SETX: variants seen among roughly 807,000 people sequenced by gnomAD.
SETX encodes the protein senataxin.
In SETX, 90 loss-of-function variants were observed where a neutral mutation model predicts 227.2. That is an observed-to-expected ratio of 0.40 (90% CI 0.33 to 0.47). SETX has a LOEUF of 0.47. Among genes scored for constraint, SETX ranks in the 20% least tolerant of loss-of-function variants. SETX has a pLI of 0.91. For synonymous variants in SETX, 1,210 were observed against 1,113.2 expected (o/e 1.09, Z -1.73); for missense variants, 3,052 against 3,181.5 (o/e 0.96, Z 0.98).
Position 132,268,643 on chromosome 9 carries a change from A to G in SETX, c.7287+972T>C, listed in dbSNP as rs192805646. ...TACAATTTCAAAGAGAGGAAAAAAT[A>G]AAATAATATTGCTTTCTATTCCACT... is the stretch of plus-strand genomic sequence containing the variant. On this transcript the variant is annotated intron_variant, in intron 25 of 25. Transcript: ENST00000224140. Among the ~76,000 whole-genome samples the G allele has an allele frequency of 8.5e-5, 13 of 152,344 alleles. 1 individual carries two copies. In the East Asian group the frequency reaches 2.5e-3, roughly 29 times the overall value.
chr9:132,330,137 T>A lies in SETX; in HGVS notation c.1461A>T (p.Glu487Asp), dbSNP rs971453595. Residue 487 changes from glutamate to aspartate, a missense_variant, in exon 10 of 26, where the codon GAA becomes GAT. Glu to Asp is a conservative substitution (Grantham distance 45, BLOSUM62 2). Coordinates refer to ENST00000224140, the MANE Select transcript of SETX (RefSeq NM_015046.7). ...GAAGCTTGGCACATTTGACGACGGCTTCCACCCATTGCTGGGAACTTACCC... is the reference window on the plus strand; with the variant it reads ...GAAGCTTGGCACATTTGACGACGGCATCCACCCATTGCTGGGAACTTACCC... ...LLWVSSQQWV[E>D]AVVKCAKLPT... The A allele has an allele frequency of 1.9e-6, 3 of 1,611,630 alleles. No individual in the cohort carries two copies. In the African/African-American group the frequency reaches 4.0e-5, roughly 22 times the overall value.
Position 132,328,151 on chromosome 9 carries a change from A to C in SETX, c.3447T>G (p.Val1149=), listed in dbSNP as rs1846962394. 6.2e-7 allele frequency: 1 copy of C among 1,614,130 alleles called. No homozygotes were observed. The change falls in exon 10 of 26, where the codon GTT becomes GTG. Residue 1149 remains valine (V), a synonymous_variant. Coordinates refer to ENST00000224140, the MANE Select transcript of SETX (RefSeq NM_015046.7). ...TTACTTCAATTTCACAAAATTCTTC[A>C]ACAGAAATACTCCGTGGTCTTGTGT... is the stretch of plus-strand genomic sequence containing the variant. The part of the protein sequence containing the change: ...EEHTRPRSIS[V]EEFCEIEVKK...
chr9:132,308,734 A>G (rs971189608), intron 11 of SETX, among the ~76,000 whole-genome samples: 1 of 152,244 alleles, frequency 6.6e-6, no homozygotes, highest in East Asian at 1.9e-4. Flanking sequence ...TATATACCTT[A>G]TTCATGAATT....
chr9:132,290,583 A>C (rs1844234085), intron 15 of SETX, among the ~76,000 whole-genome samples: 1 of 144,884 alleles, frequency 6.9e-6, no homozygotes, highest in Non-Finnish European at 1.5e-5. Flanking sequence ...TCAAAAAAAA[A>C]AAAAAAAAAA....
Position 132,264,493 on chromosome 9 carries a change from C to T in SETX, c.7780G>A (p.Val2594Met). The change falls in exon 26 of 26, where the codon GTG becomes ATG. Residue 2594 changes from valine (V) to methionine (M), a missense_variant. By Grantham distance (21) the Val-to-Met change is conservative. Transcript: ENST00000224140. ...GGTTTGTGGCTGCTCAGAGCAGCCA[C>T]TACAGCAGCGGGCTGCTGTATATGG... is the stretch of plus-strand genomic sequence containing the variant. ...LSHIQQPAAV[V>M]AALSSHKPPV... 1 of 1,613,900 alleles carries T rather than the reference C, an allele frequency of 6.2e-7. No individual in the cohort carries two copies. The highest frequency in any genetic ancestry group is 8.5e-7 in the Non-Finnish European group (1 of 1,179,902).
At chr9:132,290,537 T>C (rs1286484010) in intron 15 of SETX, among the ~76,000 whole-genome samples, 2 of 135,248 alleles carry the variant, frequency 1.5e-5, no homozygotes, top group Non-Finnish European at 3.0e-5. Context: ...ATCGCGCCAC[T>C]GTACTCTGGC....
In SETX at chr9:132,349,377, G is replaced by A; in HGVS notation, c.52C>T (p.Leu18=). 6.2e-7 allele frequency: 1 copy of A among 1,614,148 alleles called. No individual in the cohort carries two copies. Among genetic ancestry groups the A allele is most frequent in the East Asian group, 2.2e-5 (1 of 44,880 alleles). ...GGAGTGTTGGAAGCATAGCGCTTTA[G>A]GAAGTCAATGGTGGAAGCACCACCT... ...TPGGASTIDF[L]KRYASNTPSG... The change falls in exon 3 of 26, where the codon CTA becomes TTA. Residue 18 remains leucine, a synonymous_variant. Transcript: ENST00000224140.
At chr9:132,272,117 G>A (rs1156897708) in intron 23 of SETX, among the ~76,000 whole-genome samples, 2 of 151,898 alleles carry the variant, frequency 1.3e-5, no homozygotes, top group South Asian at 2.1e-4. Flanking sequence ...TGATCCGCCC[G>A]CCTCGGCCTC....
In SETX at chr9:132,329,831, C is replaced by T; in HGVS notation, c.1767G>A (p.Lys589=). 1 of 1,614,034 alleles carries T rather than the reference C, an allele frequency of 6.2e-7. No homozygotes were observed. Among genetic ancestry groups the T allele is most frequent in the Non-Finnish European group, 8.5e-7 (1 of 1,179,994 alleles). ...TGAATTTTATGTTTCTAATAATTTGCTTTAAGCAACTTTGTAGCTCATGGG... is the reference window on the plus strand; with the variant it reads ...TGAATTTTATGTTTCTAATAATTTGTTTTAAGCAACTTTGTAGCTCATGGG... The part of the protein sequence containing the change: ...QETHELQSCL[K]QIIRNIKFKA... The change falls in exon 10 of 26, where the codon AAG becomes AAA. Residue 589 remains lysine, a synonymous_variant. Transcript: ENST00000224140.
Position 132,278,277 on chromosome 9 carries a change from G to A in SETX, c.6655-20C>T, listed in dbSNP as rs758273659. ...TGCTTTCTGTGAGGGGCAAAATAAA[G>A]CAACAGTTTCCAAGAATTCATTTAT... On this transcript the variant is annotated intron_variant, in intron 20 of 25. Transcript: ENST00000224140. 1 of 1,612,624 alleles carries A rather than the reference G, an allele frequency of 6.2e-7. No individual in the cohort carries two copies.
At chr9:132,335,146 T>G (rs549016793) in intron 6 of SETX, among the ~76,000 whole-genome samples, 1 of 151,988 alleles carries the variant, frequency 6.6e-6, no homozygotes, top group Non-Finnish European at 1.5e-5. Context: ...ATCCCAGCAC[T>G]TTGGGAGGCC....
chr9:132,281,579 G>A lies in SETX; in HGVS notation c.6547-5C>T, dbSNP rs768979589. 2 of 1,590,466 alleles carry A rather than the reference G, an allele frequency of 1.3e-6. No homozygotes were observed. Among genetic ancestry groups the A allele is most frequent in the Non-Finnish European group, 1.7e-6 (2 of 1,158,520 alleles). On this transcript the variant is annotated splice_region_variant and splice_polypyrimidine_tract_variant and intron_variant, in intron 19 of 25. Coordinates refer to ENST00000224140, the MANE Select transcript of SETX (RefSeq NM_015046.7). ...AATTTCACAAGACTGTCCAGCCTTG[G>A]TAAGATACAGAAGAGAGAGGCAGTC... is the stretch of plus-strand genomic sequence containing the variant.
chr9:132,277,372 G>A (rs767440735), intron 21 of SETX, among the ~76,000 whole-genome samples: 1 of 152,094 alleles, frequency 6.6e-6, no homozygotes. Flanking sequence ...AATATAACAA[G>A]TATGATTGGA....
At chr9:132,282,173 G>A (rs1217762443) in intron 19 of SETX, among the ~76,000 whole-genome samples, 1 of 151,558 alleles carries the variant, frequency 6.6e-6, no homozygotes, top group Non-Finnish European at 1.5e-5. Flanking sequence ...CCAGCCGTAA[G>A]TTCAGAAGGC....
Position 132,286,466 on chromosome 9 carries a change from T to C in SETX, c.6353A>G (p.Lys2118Arg), listed in dbSNP as rs746419247. The C allele has an allele frequency of 6.8e-6, 11 of 1,613,776 alleles. No individual in the cohort carries two copies. Among genetic ancestry groups the C allele is most frequent in the Admixed American group, 3.3e-5 (2 of 60,014 alleles). The change falls in exon 18 of 26, where the codon AAA (lysine) becomes AGA (arginine). Residue 2118 changes from lysine to arginine, a missense_variant. Coordinates refer to ENST00000224140, the MANE Select transcript of SETX (RefSeq NM_015046.7). ...QRQELDENIS[K>R]VSKERQELAS... ...AAGTTCCTGCCTTTCCTTAGAAACT[T>C]TGGAAATGTTTTCATCTAATTCTTG...
At chr9:132,299,745 A>C (rs949122099) in intron 12 of SETX, among the ~76,000 whole-genome samples, 1 of 152,200 alleles carries the variant, frequency 6.6e-6, no homozygotes, top group African/African-American at 2.4e-5. Flanking sequence ...GACAGCCTTG[A>C]AAATAGGTTT....
intron 17 of SETX, among the ~76,000 whole-genome samples, chr9:132,287,399 GACAGCTC>G (rs1843971090): frequency 1.3e-5 from 2 of 152,156 alleles, no homozygotes; most frequent in South Asian, 4.1e-4. Flanking sequence ...GAGGCAGAAA[GACAGCTC>G]ACTTGAGTCC....
chr9:132,296,609 T>C (rs1480802849), intron 14 of SETX, among the ~76,000 whole-genome samples: 2 of 151,692 alleles, frequency 1.3e-5, no homozygotes, highest in Non-Finnish European at 2.9e-5. Context: ...CAGCCCAGCA[T>C]TCACAGCATT....
chr9:132,267,284 C>T (rs776804833), intron 25 of SETX, among the ~76,000 whole-genome samples: 1 of 152,208 alleles, frequency 6.6e-6, no homozygotes, highest in Non-Finnish European at 1.5e-5. Context: ...GAGCGCCAGG[C>T]TCTGGGGGCT....
Sources: gnomAD v4.1 joint callset for allele counts (sites outside exome capture counted in the v4.1 genomes callset) on GRCh38, gnomAD v4.1.1 for gene constraint, MANE v1.5 for transcripts, NCBI Gene and HGNC (gene_info 2026-07-23, HGNC 2026-07-21) for gene names.